Variants in PCARE observed in about 807,000 individuals in gnomAD.
The protein encoded by PCARE is photoreceptor cilium actin regulator.
In PCARE, 72 loss-of-function variants were observed where a neutral mutation model predicts 82.2. The ratio of observed to expected loss-of-function variants is 0.88; its 90% CI spans 0.72 to 1.07. The LOEUF is 1.07. Ranked by LOEUF, PCARE falls within the 50% of genes least tolerant of loss-of-function variation. The pLI is 0.00. For missense variants in PCARE, 1,768 were observed against 1,592.4 expected, an observed-to-expected ratio of 1.11 and a Z score of -1.88; for synonymous variants, 705 against 634.8, an observed-to-expected ratio of 1.11 and a Z score of -1.66.
intron 1 of PCARE, among the ~76,000 whole-genome samples, chr2:29,065,822 C>A (rs988968320): frequency 6.6e-6 from 1 of 152,244 alleles, no homozygotes; most frequent in Non-Finnish European, 1.5e-5. Context: ...ATTAGTTCAC[C>A]CCTCTGAATC....
intron 1 of PCARE, among the ~76,000 whole-genome samples, chr2:29,065,559 A>G (rs13006908): frequency 0.29 from 44,725 of 152,078 alleles, 6,987 homozygotes; most frequent in East Asian, 0.48. Flanking sequence ...TGGAACAGAG[A>G]TTCTCAGCTG....
At chr2:29,066,785 G>A (rs1667397726) in intron 1 of PCARE, among the ~76,000 whole-genome samples, 1 of 152,166 alleles carries the variant, frequency 6.6e-6, no homozygotes, top group African/African-American at 2.4e-5. Flanking sequence ...TCTGATCCAG[G>A]AGACTGAGTA....
intron 1 of PCARE, among the ~76,000 whole-genome samples, chr2:29,067,903 T>C (rs1667414762): frequency 6.6e-6 from 1 of 152,196 alleles, no homozygotes; most frequent in South Asian, 2.1e-4. Flanking sequence ...AGTATTGAGA[T>C]TCAGGACACA....
In PCARE at chr2:29,071,611, G is replaced by A; in HGVS notation, c.2651C>T (p.Ala884Val). 6.2e-7 allele frequency: 1 copy of A among 1,613,270 alleles called. No individual in the cohort carries two copies. The highest frequency in any genetic ancestry group is 8.5e-7 in the Non-Finnish European group (1 of 1,179,892). Residue 884 changes from alanine to valine, a missense_variant, in exon 1 of 2, where the codon GCC becomes GTC. By Grantham distance (64) the Ala-to-Val change is moderately conservative. Coordinates refer to ENST00000331664, the MANE Select transcript of PCARE (RefSeq NM_001029883.3). ...RRTWASPKLR[A>V]SVSPLDLLPS... ...CAGCAAGTCCAGGGGGCTCACAGAG[G>A]CCCTCAGCTTTGGGGAAGCCCATGT...
At position 29,072,997 on chromosome 2, in the gene PCARE, A is replaced by G; in HGVS notation, c.1265T>C (p.Val422Ala). The G allele has an allele frequency of 6.2e-7, 1 of 1,613,998 alleles. No homozygotes were observed. The highest frequency in any genetic ancestry group is 8.5e-7 in the Non-Finnish European group (1 of 1,179,984). The part of the protein sequence containing the change: ...CLLSGAPMAK[V>A]QPRAQDEARS... The stretch of plus-strand genomic sequence containing the variant: ...TGCTTCGTCCTGTGCTCGTGGCTGA[A>G]CCTTTGCCATAGGAGCCCCTGAGAG... Residue 422 changes from valine (V) to alanine (A), a missense_variant, in exon 1 of 2, where the codon GTT (valine) becomes GCT (alanine). Physicochemically the swap from Val to Ala is moderately conservative, Grantham distance 64. Transcript: ENST00000331664.
chr2:29,070,411 C>G (rs1182364072), intron 1 of PCARE, among the ~76,000 whole-genome samples, 183 bp downstream of exon 1: 1 of 152,140 alleles, frequency 6.6e-6, no homozygotes, highest in Non-Finnish European at 1.5e-5. Context: ...CAGATAAGAG[C>G]ACAGTAACTC....
intron 1 of PCARE, among the ~76,000 whole-genome samples, chr2:29,066,598 G>A (rs919862947): frequency 1.3e-5 from 2 of 152,278 alleles, no homozygotes; most frequent in African/African-American, 4.8e-5. Flanking sequence ...GAACAAGATC[G>A]AGGTGGGTGG....
In PCARE at chr2:29,064,574, TCCACCCC is replaced by T; in HGVS notation, c.*288_*294del. ...CTATCAAGCATGCAACTATACATTC[TCCACCCC>T]CCACCCCACCCCAAATTAAGGCCAG... On this transcript the variant is annotated 3_prime_UTR_variant, in exon 2 of 2. Transcript: ENST00000331664. 1 of 558,108 alleles carries T rather than the reference TCCACCCC, an allele frequency of 1.8e-6. No individual in the cohort carries two copies. Among genetic ancestry groups the T allele is most frequent in the Non-Finnish European group, 3.2e-6 (1 of 310,394 alleles). 34.6% of individuals were successfully genotyped at this position (558,108 alleles called of 1,614,324 possible).
intron 1 of PCARE, among the ~76,000 whole-genome samples, chr2:29,066,696 G>A (rs1042268863): frequency 1.3e-5 from 2 of 152,264 alleles, no homozygotes; most frequent in Admixed American, 1.3e-4. Context: ...ACTGTGCCAT[G>A]GAGCCAATCT....
At position 29,073,519 on chromosome 2, in the gene PCARE, C is replaced by G. The variant is rs748348235; in HGVS notation, c.743G>C (p.Arg248Thr). The G allele has an allele frequency of 1.2e-5, 19 of 1,614,092 alleles. No homozygotes were observed. In the South Asian group the frequency reaches 1.8e-4, roughly 15 times the overall value. ...KDGEVLLQEV[R>T]EDLAWPLKKR... The stretch of plus-strand genomic sequence containing the variant: ...CTTCAAAGGCCAAGCCAGATCCTCC[C>G]TGACTTCCTGCAGGAGCACTTCTCC... Residue 248 changes from arginine (R) to threonine (T), a missense_variant, in exon 1 of 2, where the codon AGG becomes ACG. By Grantham distance (71) the Arg-to-Thr change is moderately conservative. Coordinates refer to ENST00000331664, the MANE Select transcript of PCARE (RefSeq NM_001029883.3).
rs1416014233 is a variant in PCARE at position 29,062,977 on chromosome 2, C to A, written c.*1892G>T. 1 of 152,264 alleles carries A rather than the reference C, an allele frequency of 6.6e-6. No individual in the cohort carries two copies. The highest frequency in any genetic ancestry group is 6.5e-5 in the Admixed American group (1 of 15,286). The allele number at this position is 152,264 out of a possible 1,614,324, so 9.4% of individuals were successfully genotyped here. On this transcript the variant is annotated 3_prime_UTR_variant, in exon 2 of 2. Coordinates refer to ENST00000331664, the MANE Select transcript of PCARE (RefSeq NM_001029883.3). Reference sequence around the variant, plus strand: ...TTCTGAGCAGTCCCACCTGAAGCCACTTACTTGTGAGCTAGACCTCAAAGG... The same window carrying A: ...TTCTGAGCAGTCCCACCTGAAGCCAATTACTTGTGAGCTAGACCTCAAAGG...
In PCARE at chr2:29,064,959, C is replaced by A; in HGVS notation, c.3777G>T (p.Leu1259=). 1 of 1,604,620 alleles carries A rather than the reference C, an allele frequency of 6.2e-7. No individual in the cohort carries two copies. Among genetic ancestry groups the A allele is most frequent in the Non-Finnish European group, 8.5e-7 (1 of 1,175,994 alleles). ...RRASPPEFCV[L]GHGLQPEPRT... is the part of the protein sequence containing the mutation. ...GAGGCTCCGGTTGCAGCCCGTGGCCCAGCACACAGAACTCTGGGGGAGATG... is the reference window on the plus strand; with the variant it reads ...GAGGCTCCGGTTGCAGCCCGTGGCCAAGCACACAGAACTCTGGGGGAGATG... The change falls in exon 2 of 2, where the codon CTG becomes CTT. Residue 1259 remains leucine, a synonymous_variant. Transcript: ENST00000331664.
At position 29,072,033 on chromosome 2, in the gene PCARE, A is replaced by C. The variant is rs1163377596; in HGVS notation, c.2229T>G (p.Ser743Arg). 5.6e-6 allele frequency: 9 copies of C among 1,613,450 alleles called. No homozygotes were observed. The Admixed American group carries it at 1.5e-4, about 27-fold the overall frequency. ...CCTTAGAGTCCCCCAGCATCCTCAG[A>C]CTCTCCGTGGGACTGAAAGTTTCAA... ...KLIETFSPTE[S>R]LRMLGDSKDA... Residue 743 changes from serine (S) to arginine (R), a missense_variant, in exon 1 of 2, where the codon AGT becomes AGG. Coordinates refer to ENST00000331664, the MANE Select transcript of PCARE (RefSeq NM_001029883.3).
chr2:29,074,105 C>T lies in PCARE; in HGVS notation c.157G>A (p.Ala53Thr), dbSNP rs763595029. 23 of 1,614,190 alleles carry T rather than the reference C, an allele frequency of 1.4e-5. No homozygotes were observed. The highest frequency in any genetic ancestry group is 1.6e-5 in the Non-Finnish European group (19 of 1,180,022). The change falls in exon 1 of 2, where the codon GCT becomes ACT. Residue 53 changes from alanine (A) to threonine (T), a missense_variant. Ala to Thr is a moderately conservative substitution (Grantham distance 58). Coordinates refer to ENST00000331664, the MANE Select transcript of PCARE (RefSeq NM_001029883.3). ...LLVKNSTCYD[A>T]GEGLAEEQPS... ...TGCTCCTCTGCCAGGCCCTCCCCAG[C>T]GTCATAGCAGGTGGAGTTTTTAACC...
chr2:29,067,281 G>A lies in PCARE; in HGVS notation c.3669-2214C>T, dbSNP rs553975334. Among the ~76,000 whole-genome samples, 3 of 152,286 alleles carry A rather than the reference G, an allele frequency of 2.0e-5. No individual in the cohort carries two copies. In the South Asian group the frequency reaches 6.2e-4, roughly 32 times the overall value. On this transcript the variant is annotated intron_variant, in intron 1 of 1. Coordinates refer to ENST00000331664, the MANE Select transcript of PCARE (RefSeq NM_001029883.3). ...CCTGGTGGTGTTTCCCCATATGCAGGATGGCAGAAAAAAATGCTTGCCATT... is the reference window on the plus strand; with the variant it reads ...CCTGGTGGTGTTTCCCCATATGCAGAATGGCAGAAAAAAATGCTTGCCATT...
Position 29,073,043 on chromosome 2 carries a change from C to T in PCARE, c.1219G>A (p.Gly407Ser), listed in dbSNP as rs200472285. 249 of 1,614,076 alleles carry T rather than the reference C, an allele frequency of 1.5e-4. No homozygotes were observed. Among genetic ancestry groups the T allele is most frequent in the Admixed American group, 1.5e-3 (92 of 60,016 alleles). ...GAGAGCAGGCAGTCCTGGGGTCTGC[C>T]TGAGCCCAAACAGAATGGACTTTGC... ...WQQSPFCLGS[G>S]RPQDCLLSGA... is the part of the protein sequence containing the mutation. Residue 407 changes from glycine (G) to serine (S), a missense_variant, in exon 1 of 2, where the codon GGC (glycine) becomes AGC (serine). Transcript: ENST00000331664.
In PCARE at chr2:29,065,943, T is replaced by C. The variant is rs189922058; in HGVS notation, c.3669-876A>G. Among the ~76,000 whole-genome samples the C allele has an allele frequency of 1.9e-3, 282 of 152,244 alleles. 1 individual carries two copies. Among genetic ancestry groups the C allele is most frequent in the Non-Finnish European group, 1.8e-3 (125 of 68,010 alleles). On this transcript the variant is annotated intron_variant, in intron 1 of 1. Coordinates refer to ENST00000331664, the MANE Select transcript of PCARE (RefSeq NM_001029883.3). ...GGGCGGATCACCTGGGGTCAGGAGT[T>C]TGAGACCAGCTTGGCTAACATGGTG...
rs1558485026 is a variant in PCARE, at chr2:29,064,888, TG to T, written c.3847del (p.Gln1283SerfsTer31). 3 of 1,611,624 alleles carry T rather than the reference TG, an allele frequency of 1.9e-6. No individual in the cohort carries two copies. The highest frequency in any genetic ancestry group is 1.7e-6 in the Non-Finnish European group (2 of 1,179,968). ...QDKSQPEAQPQQEEVS is the reference protein window; with the variant it reads ...QDKSQPEAQPXQEEVS ...AGCCTGTCAGGACACCTCCTCTTGC[TG>T]GGGCTGCGCCTCTGGCTGGGATTTG... On this transcript the variant is annotated frameshift_variant, in exon 2 of 2. Coordinates refer to ENST00000331664, the MANE Select transcript of PCARE (RefSeq NM_001029883.3). LOFTEE classifies it high-confidence loss of function.
chr2:29,068,603 T>C (rs985448711), intron 1 of PCARE, among the ~76,000 whole-genome samples: 2 of 152,188 alleles, frequency 1.3e-5, no homozygotes, highest in African/African-American at 4.8e-5. Flanking sequence ...AAATAACCAC[T>C]TGAGCATACG....
Sources: gnomAD v4.1 joint callset for allele counts (sites outside exome capture counted in the v4.1 genomes callset) on GRCh38, gnomAD v4.1.1 for gene constraint, MANE v1.5 for transcripts, NCBI Gene and HGNC (gene_info 2026-07-23, HGNC 2026-07-21) for gene names.